Variants in DRP2 observed in about 807,000 individuals in gnomAD.
DRP2 encodes the protein dystrophin-related protein 2.
DRP2 carries 29 observed loss-of-function variants against 78.2 expected under a neutral mutation model. That is an observed-to-expected ratio of 0.37 (90% CI 0.28 to 0.51). The LOEUF (loss-of-function observed/expected upper bound fraction) is 0.51, where lower values mean the gene tolerates loss of function less well. Among genes scored for constraint, DRP2 ranks in the 20% least tolerant of loss-of-function variants. The pLI, the probability that DRP2 is intolerant of heterozygous loss-of-function variation, is 0.94. For synonymous variants in DRP2, 290 were observed against 281.9 expected (o/e 1.03, Z -0.29); for missense variants, 686 against 770.6 (o/e 0.89, Z 1.30).
In DRP2 at chrX:101,262,499, G is replaced by C. The variant is rs140256575; in HGVS notation, c.*1878G>C. The C allele has an allele frequency of 9.0e-5, 10 of 111,716 alleles. No individual in the cohort carries two copies. The East Asian group carries it at 2.5e-3, about 28-fold the overall frequency. 9.2% of individuals were successfully genotyped at this position (111,716 alleles called of 1,213,427 possible). A position where few individuals can be genotyped will look rare whatever the true frequency, so the allele number is the denominator to read the frequency against. On this transcript the variant is annotated 3_prime_UTR_variant, in exon 24 of 24. Coordinates refer to ENST00000395209, the MANE Select transcript of DRP2 (RefSeq NM_001939.3). ...GCAACAGTTGCCACCACAATCAGGA[G>C]GGAGTGACGGTTGGGGTGTTGTATT...
At chrX:101,250,834 C>A in intron 15 of DRP2, 83 bp from the exon 16 acceptor site, 1 of 1,129,110 alleles carries the variant, frequency 8.9e-7, no homozygotes, top group Non-Finnish European at 1.2e-6. Context: ...CCTGCTGGTT[C>A]TCCTGCCCCT....
chrX:101,239,268 G>C (rs1008660489), intron 6 of DRP2, among the ~76,000 whole-genome samples, 167 bp downstream of exon 6: 18 of 111,238 alleles, frequency 1.6e-4, no homozygotes, highest in Middle Eastern at 4.6e-3. Context: ...TCCTACTGCA[G>C]GAAAAAAAGC....
chrX:101,243,614 G>A (rs1469635650), intron 9 of DRP2, among the ~76,000 whole-genome samples: 5 of 111,786 alleles, frequency 4.5e-5, no homozygotes, highest in Admixed American at 1.9e-4. Context: ...TTTATTGAGG[G>A]CCTTCTGTGG....
intron 6 of DRP2, among the ~76,000 whole-genome samples, chrX:101,241,177 A>G (rs1156880832): frequency 8.9e-6 from 1 of 112,371 alleles, no homozygotes; most frequent in Non-Finnish European, 1.9e-5. Context: ...GAAAAACACA[A>G]TATGGTCTCT....
chrX:101,242,242 G>A, intron 7 of DRP2, 83 bp from the exon 8 acceptor site: 1 of 1,139,451 alleles, frequency 8.8e-7, no homozygotes, highest in African/African-American at 1.8e-5. Flanking sequence ...ACCTCTGGGT[G>A]AAGAGGGAAG....
Position 101,254,446 on chromosome X carries a change from A to G in DRP2, c.1999A>G (p.Arg667Gly). The G allele has an allele frequency of 8.3e-7, 1 of 1,211,808 alleles. No homozygotes were observed. The highest frequency in any genetic ancestry group is 2.3e-4 in the Middle Eastern group (1 of 4,354). The change falls in exon 18 of 24, where the codon AGG becomes GGG. Residue 667 changes from arginine to glycine, a missense_variant. By Grantham distance (125) the Arg-to-Gly change is moderately radical (BLOSUM62 -2). Transcript: ENST00000395209. ...TCAGACCACATCCAGTGAGAACATG[A>G]GGGACTTTGCCACAACCTTAAAGAA... ...YTPTTSSENM[R>G]DFATTLKNKF...
chrX:101,250,651 CTACGAGCTAGGCTTTTGAT>C (rs1923102136), intron 15 of DRP2, 71 bp downstream of exon 15: 89 of 1,125,380 alleles, frequency 7.9e-5, no homozygotes, highest in Non-Finnish European at 1.0e-4. Flanking sequence ...GGAAGGAGGA[CTACGAGCTAGGCTTTTGAT>C]CTGAAGTACG....
rs761532758 is a variant in DRP2 at position 101,262,156 on chromosome X, A to G, written c.*1535A>G. Reference sequence around the variant, plus strand: ...GATGTATCCTGGCTGTTCCCCTAGGATATCTCTCTCCATTGATGTTTGGGG... The same window carrying G: ...GATGTATCCTGGCTGTTCCCCTAGGGTATCTCTCTCCATTGATGTTTGGGG... On this transcript the variant is annotated 3_prime_UTR_variant, in exon 24 of 24. Coordinates refer to ENST00000395209, the MANE Select transcript of DRP2 (RefSeq NM_001939.3). 1 of 111,559 alleles carries G rather than the reference A, an allele frequency of 9.0e-6. No homozygotes were observed. The highest frequency in any genetic ancestry group is 3.8e-4 in the South Asian group (1 of 2,638). 9.2% of individuals were successfully genotyped at this position (111,559 alleles called of 1,213,427 possible).
intron 6 of DRP2, 151 bp downstream of exon 6, chrX:101,239,252 C>A: frequency 1.3e-6 from 1 of 750,574 alleles, no homozygotes; most frequent in Non-Finnish European, 1.8e-6. Flanking sequence ...TGGGGGGAAG[C>A]AAGATTCCTA....
chrX:101,239,976 G>A (rs972387380), intron 6 of DRP2, among the ~76,000 whole-genome samples: 10 of 111,066 alleles, frequency 9.0e-5, no homozygotes, highest in Non-Finnish European at 1.5e-4. Flanking sequence ...CCAGAAGTTC[G>A]AGGCTGCAGT....
chrX:101,226,672 G>C (rs1922131103), intron 2 of DRP2, among the ~76,000 whole-genome samples: 1 of 111,413 alleles, frequency 9.0e-6, no homozygotes, highest in African/African-American at 3.3e-5. Context: ...GGGGAGGGCA[G>C]GGAAGGCTTA....
At chrX:101,254,302 G>C in intron 17 of DRP2, 123 bp from the exon 18 acceptor site, 1 of 888,815 alleles carries the variant, frequency 1.1e-6, no homozygotes, top group Non-Finnish European at 1.6e-6. Flanking sequence ...TAGGAGCAGG[G>C]TATGGTGGGC....
intron 2 of DRP2, among the ~76,000 whole-genome samples, chrX:101,229,223 C>T (rs1424982646): frequency 1.8e-5 from 2 of 112,040 alleles, no homozygotes; most frequent in South Asian, 3.7e-4. Flanking sequence ...GGTCTGAAAG[C>T]AAGCCTCTTG....
intron 3 of DRP2, 50 bp from the exon 4 acceptor site, chrX:101,235,810 C>G: frequency 8.6e-7 from 1 of 1,156,630 alleles, no homozygotes; most frequent in Non-Finnish European, 1.2e-6. Flanking sequence ...TGGTGCAGAC[C>G]AGGGTGTGGC....
intron 11 of DRP2, among the ~76,000 whole-genome samples, chrX:101,246,045 A>G (rs888308561): frequency 8.9e-6 from 1 of 112,413 alleles, no homozygotes; most frequent in East Asian, 2.8e-4. Flanking sequence ...ACTTGTAGAC[A>G]TTGAATCTGT....
intron 6 of DRP2, among the ~76,000 whole-genome samples, chrX:101,241,250 G>A (rs753617096): frequency 1.2e-4 from 13 of 111,845 alleles, no homozygotes; most frequent in Non-Finnish European, 2.3e-4. Flanking sequence ...CTAAACACAC[G>A]TGTACACACA....
At chrX:101,222,936 A>G (rs769493545) in intron 1 of DRP2, among the ~76,000 whole-genome samples, 2 of 112,472 alleles carry the variant, frequency 1.8e-5, no homozygotes, top group South Asian at 3.7e-4. Flanking sequence ...TTTAAACAAC[A>G]TATACTACTG....
In DRP2 at chrX:101,258,526, C is replaced by A; in HGVS notation, c.2608C>A (p.Leu870Met). 8.5e-7 allele frequency: 1 copy of A among 1,181,076 alleles called. No homozygotes were observed. Residue 870 changes from leucine (L) to methionine (M), a missense_variant, in exon 22 of 24, where the codon CTG (leucine) becomes ATG (methionine). Leu to Met is a conservative substitution (Grantham distance 15). Transcript: ENST00000395209. ...GCAGCTAGAGTCCCAGCTGCAGCGTCTGAGGGAGCTTCTCCTGCAGGTGAG... is the reference window on the plus strand; with the variant it reads ...GCAGCTAGAGTCCCAGCTGCAGCGTATGAGGGAGCTTCTCCTGCAGGTGAG... ...NKQLESQLQRLRELLLQPPTE... is the reference protein window; with the variant it reads ...NKQLESQLQRMRELLLQPPTE...
intron 6 of DRP2, among the ~76,000 whole-genome samples, chrX:101,241,190 A>G (rs904040078): frequency 8.9e-6 from 1 of 112,330 alleles, no homozygotes; most frequent in Non-Finnish European, 1.9e-5. Flanking sequence ...TGGTCTCTTG[A>G]CTGTGGTGGC....
Sources: allele counts gnomAD v4.1 joint callset (sites outside exome capture counted in the v4.1 genomes callset), GRCh38; gene constraint gnomAD v4.1.1; transcripts MANE v1.5; gene names NCBI Gene and HGNC (gene_info 2026-07-23, HGNC 2026-07-21).